Variants in CROCC2 observed in about 807,000 individuals in gnomAD.
The protein encoded by CROCC2 is ciliary rootlet coiled-coil protein 2.
In CROCC2, 163 loss-of-function variants were observed where a neutral mutation model predicts 177.6. The observed-to-expected ratio is 0.92, with a 90% CI of 0.81 to 1.05. CROCC2 has a LOEUF of 1.05. Ranked by LOEUF, CROCC2 falls within the 50% of genes least tolerant of loss-of-function variation. CROCC2 has a pLI of 0.00. For synonymous variants in CROCC2, 904 were observed against 787.3 expected (o/e 1.15, Z -2.48); for missense variants, 1,929 against 1,797.8 (o/e 1.07, Z -1.32).
Position 240,918,141 on chromosome 2 carries a change from C to T in CROCC2, c.79-585C>T, listed in dbSNP as rs1200219734. ...CTTTCATGAAGGACCCACCTGGGTC[C>T]CGATGGACCGAGCCTGTGGAGGGGC... On this transcript the variant is annotated intron_variant, in intron 1 of 31. Transcript: ENST00000690015. This position sits in a 1 kb window ranked among gnomAD's most constrained non-coding sequence, Gnocchi z 6.3. Among the ~76,000 whole-genome samples the T allele has an allele frequency of 6.6e-6, 1 of 152,216 alleles. No individual in the cohort carries two copies. The highest frequency in any genetic ancestry group is 6.5e-5 in the Admixed American group (1 of 15,288).
chr2:240,933,212 T>C lies in CROCC2; in HGVS notation c.1333T>C (p.Trp445Arg), dbSNP rs1358808906. 6.5e-7 allele frequency: 1 copy of C among 1,549,620 alleles called. No individual in the cohort carries two copies. Among genetic ancestry groups the C allele is most frequent in the East Asian group, 2.4e-5 (1 of 40,882 alleles). The change falls in exon 10 of 32, where the codon TGG becomes CGG. Residue 445 changes from tryptophan (W) to arginine (R), a missense_variant. Trp to Arg is a moderately radical substitution (Grantham distance 101). Coordinates refer to ENST00000690015, the MANE Select transcript of CROCC2 (RefSeq NM_001351305.2). ...GCTGTCCGAAAGCCGGCGGGAGCTG[T>C]GGGCCGCACAGAAGCTCCAGCAGGA... ...EQLSESRREL[W>R]AAQKLQQERA...
chr2:240,988,687 A>C, intron 28 of CROCC2, 52 bp from the exon 29 acceptor site: 1 of 1,329,806 alleles, frequency 7.5e-7, no homozygotes, highest in Non-Finnish European at 9.7e-7. Flanking sequence ...GGCTGGCCTG[A>C]CCTCACTCCC....
intron 18 of CROCC2, among the ~76,000 whole-genome samples, chr2:240,951,145 A>G (rs1559601874): frequency 6.6e-6 from 1 of 151,658 alleles, no homozygotes; most frequent in South Asian, 2.1e-4. Flanking sequence ...TCATCCATCC[A>G]TCCATACACT....
At position 240,946,177 on chromosome 2, in the gene CROCC2, C is replaced by A; in HGVS notation, c.2287C>A (p.Arg763=). The part of the protein sequence containing the change: ...LQGKDALSEE[R]AQLLAKQEAL... The stretch of plus-strand genomic sequence containing the variant: ...AGGAAAGGATGCTCTGTCTGAGGAG[C>A]GGGCCCAGCTGCTGGCCAAGCAGGA... The change falls in exon 15 of 32, where the codon CGG becomes AGG. Residue 763 remains arginine, a synonymous_variant. Coordinates refer to ENST00000690015, the MANE Select transcript of CROCC2 (RefSeq NM_001351305.2). 6.5e-7 allele frequency: 1 copy of A among 1,547,800 alleles called. No individual in the cohort carries two copies. The highest frequency in any genetic ancestry group is 8.7e-7 in the Non-Finnish European group (1 of 1,144,658).
intron 20 of CROCC2, among the ~76,000 whole-genome samples, chr2:240,962,294 T>TGGGGTG (rs1321674005): frequency 1.6e-4 from 15 of 92,366 alleles, no homozygotes; most frequent in African/African-American, 4.9e-4. Flanking sequence ...AGGGAGCGGG[T>TGGGGTG]GGGGTGGGGG....
intron 28 of CROCC2, chr2:240,985,753 C>T (rs1195175346): frequency 1.3e-5 from 4 of 316,202 alleles, no homozygotes; most frequent in Non-Finnish European, 2.5e-5. Context: ...CCCAGGCACT[C>T]ACTCCACACA....
At chr2:240,943,168 C>T (rs2059503763) in intron 14 of CROCC2, among the ~76,000 whole-genome samples, 1 of 152,018 alleles carries the variant, frequency 6.6e-6, no homozygotes, top group Non-Finnish European at 1.5e-5. Context: ...TGACCACGCC[C>T]AGCTAATTTT....
intron 4 of CROCC2, 26 bp from the exon 5 acceptor site, chr2:240,925,698 C>T: frequency 2.9e-6 from 2 of 700,634 alleles, no homozygotes; most frequent in Non-Finnish European, 2.7e-6. Flanking sequence ...CCTACCCCCA[C>T]CATGCCCTGT....
intron 14 of CROCC2, among the ~76,000 whole-genome samples, chr2:240,937,502 T>A (rs1176797479): frequency 6.6e-6 from 1 of 152,226 alleles, no homozygotes; most frequent in Non-Finnish European, 1.5e-5. Context: ...TTTTTATGGA[T>A]GGACATAAAA....
intron 14 of CROCC2, among the ~76,000 whole-genome samples, chr2:240,941,902 T>G (rs189837121): frequency 6.6e-6 from 1 of 152,328 alleles, no homozygotes; most frequent in East Asian, 1.9e-4. Context: ...ATTAAAGCCT[T>G]TATGAAAGGG....
chr2:240,953,974 C>T lies in CROCC2; in HGVS notation c.2830-1885C>T, dbSNP rs546126055. ...CTAATAAATACTCCCTTGCTGTGTCCAGTAATGAGGGGTACAGGAGGGAGA... is the reference window on the plus strand; with the variant it reads ...CTAATAAATACTCCCTTGCTGTGTCTAGTAATGAGGGGTACAGGAGGGAGA... On this transcript the variant is annotated intron_variant, in intron 18 of 31. Transcript: ENST00000690015. The surrounding 1 kb of genome is among the most constrained non-coding windows in gnomAD (Gnocchi z 4.0). Among the ~76,000 whole-genome samples, 2 of 152,190 alleles carry T rather than the reference C, an allele frequency of 1.3e-5. No individual in the cohort carries two copies. The highest frequency in any genetic ancestry group is 2.9e-5 in the Non-Finnish European group (2 of 68,002).
chr2:240,962,956 C>T (rs1054405380), intron 20 of CROCC2, among the ~76,000 whole-genome samples: 3 of 152,180 alleles, frequency 2.0e-5, no homozygotes, highest in Non-Finnish European at 4.4e-5. Flanking sequence ...TCCCACTGCC[C>T]CCCCATTGCC....
rs2059542622 is a variant in CROCC2 at position 240,949,728 on chromosome 2, A to G, written c.2652+26A>G. On this transcript the variant is annotated intron_variant, in intron 17 of 31. Transcript: ENST00000690015. This position sits in a 1 kb window ranked among gnomAD's most constrained non-coding sequence, Gnocchi z 4.5. ...GTCTGCTTCCCAGGAGCCCACCAGTAGCTTCCTAGAAGGCTACCAGGTCCC... is the reference window on the plus strand; with the variant it reads ...GTCTGCTTCCCAGGAGCCCACCAGTGGCTTCCTAGAAGGCTACCAGGTCCC... 1 of 1,522,400 alleles carries G rather than the reference A, an allele frequency of 6.6e-7. No homozygotes were observed. The allele number at this position is 1,522,400 out of a possible 1,614,324, so 94.3% of individuals were successfully genotyped here.
At chr2:240,934,173 C>T (rs966230796) in intron 11 of CROCC2, among the ~76,000 whole-genome samples, 158 bp from the exon 12 acceptor site, 1 of 151,970 alleles carries the variant, frequency 6.6e-6, no homozygotes, top group African/African-American at 2.4e-5. Flanking sequence ...AGCCTGGAAG[C>T]GAAGGGCTCC....
chr2:240,914,172 G>A (rs1423556780), intron 1 of CROCC2, among the ~76,000 whole-genome samples: 5 of 152,200 alleles, frequency 3.3e-5, no homozygotes, highest in South Asian at 2.1e-4. Flanking sequence ...AGACACCGCC[G>A]CTGGGAAGGC....
intron 1 of CROCC2, among the ~76,000 whole-genome samples, chr2:240,911,099 C>A (rs113477302): frequency 6.6e-6 from 1 of 151,864 alleles, no homozygotes; most frequent in Non-Finnish European, 1.5e-5. Flanking sequence ...CCACTGTACT[C>A]CAGCCTGGGA....
intron 20 of CROCC2, among the ~76,000 whole-genome samples, chr2:240,961,855 C>A: frequency 2.1e-5 from 1 of 48,364 alleles, no homozygotes; most frequent in South Asian, 5.1e-4. Flanking sequence ...ATGACACACA[C>A]GCACACACTC....
In CROCC2 at chr2:240,989,637, C is replaced by A; in HGVS notation, c.4684-17C>A. On this transcript the variant is annotated splice_polypyrimidine_tract_variant and intron_variant, in intron 29 of 31. Transcript: ENST00000690015. ...TCAGTGAGAGACAGCAGTGAGATGC[C>A]CAAGTTCTCACTCCAGGCCCAGATG... The A allele has an allele frequency of 6.5e-7, 1 of 1,531,172 alleles. No homozygotes were observed. The highest frequency in any genetic ancestry group is 1.2e-5 in the South Asian group (1 of 83,310). 94.8% of individuals were successfully genotyped at this position (1,531,172 alleles called of 1,614,324 possible). A position where few individuals can be genotyped will look rare whatever the true frequency, so the allele number is the denominator to read the frequency against.
chr2:240,934,914 A>G lies in CROCC2; in HGVS notation c.1792-2A>G. 2 of 1,505,898 alleles carry G rather than the reference A, an allele frequency of 1.3e-6. No individual in the cohort carries two copies. The highest frequency in any genetic ancestry group is 1.3e-5 in the South Asian group (1 of 78,176). 93.3% of individuals were successfully genotyped at this position (1,505,898 alleles called of 1,614,324 possible). A position where few individuals can be genotyped will look rare whatever the true frequency, so the allele number is the denominator to read the frequency against. On this transcript the variant is annotated splice_acceptor_variant, in intron 12 of 31. Coordinates refer to ENST00000690015, the MANE Select transcript of CROCC2 (RefSeq NM_001351305.2). LOFTEE classifies it high-confidence loss of function. The stretch of plus-strand genomic sequence containing the variant: ...TCCCTGGCATCCCCCTCCCTGCCCC[A>G]GGCCGAGTGCAGCAATGCGGACCTG...
Sources: gnomAD v4.1 joint callset for allele counts (sites outside exome capture counted in the v4.1 genomes callset) on GRCh38, gnomAD v4.1.1 for gene constraint, Gnocchi (gnomAD v3.1) non-coding constraint, MANE v1.5 for transcripts, NCBI Gene and HGNC (gene_info 2026-07-23, HGNC 2026-07-21) for gene names.